The following CCDC178 variants were observed in gnomAD, a reference collection of about 807,000 sequenced individuals.
CCDC178 encodes coiled-coil domain containing 178, also known as coiled-coil domain-containing protein 178.
A neutral mutation model predicts 117.4 loss-of-function variants in CCDC178; 126 were observed. That is an observed-to-expected ratio of 1.07 (90% CI 0.93 to 1.24). The LOEUF (loss-of-function observed/expected upper bound fraction) is 1.24. Ranked by LOEUF, CCDC178 falls within the 50% of genes most tolerant of loss-of-function variation. The pLI is 0.00. For missense variants in CCDC178, 1,030 were observed against 986.9 expected (o/e 1.04, Z -0.59); for synonymous variants, 283 against 313.4 (o/e 0.90, Z 1.02).
At chr18:33,380,051 G>A (rs763433764) in intron 5 of CCDC178, among the ~76,000 whole-genome samples, 3 of 152,156 alleles carry the variant, frequency 2.0e-5, no homozygotes, top group Non-Finnish European at 4.4e-5. Context: ...TACTCTGAAT[G>A]ACTGGATTTC....
chr18:33,133,704 C>A (rs1030642384), intron 20 of CCDC178, among the ~76,000 whole-genome samples: 1 of 151,900 alleles, frequency 6.6e-6, no homozygotes, highest in African/African-American at 2.4e-5. Flanking sequence ...AGCCACATTT[C>A]ACAGGATCAT....
chr18:33,024,904 G>A (rs2056196564), intron 21 of CCDC178, among the ~76,000 whole-genome samples: 2 of 151,528 alleles, frequency 1.3e-5, no homozygotes. Flanking sequence ...GCCTGCCTTG[G>A]CCTCCCCCAA....
intron 21 of CCDC178, among the ~76,000 whole-genome samples, chr18:33,013,408 T>C (rs1023915465): frequency 1.3e-5 from 2 of 152,136 alleles, no homozygotes; most frequent in Non-Finnish European, 2.9e-5. Context: ...GTGAAGAAAA[T>C]AAAAGTAAAA....
intron 22 of CCDC178, among the ~76,000 whole-genome samples, chr18:32,945,061 AT>A (rs2054315521): frequency 6.6e-6 from 1 of 152,130 alleles, no homozygotes; most frequent in Non-Finnish European, 1.5e-5. Context: ...CTAGTCATTC[AT>A]TTTACTCATT....
chr18:33,282,348 T>C (rs2060035467), intron 12 of CCDC178, among the ~76,000 whole-genome samples: 1 of 151,962 alleles, frequency 6.6e-6, no homozygotes, highest in Admixed American at 6.6e-5. Context: ...CAGCTAGGGG[T>C]TGGCCACCAT....
At chr18:33,103,538 G>A (rs891523868) in intron 20 of CCDC178, among the ~76,000 whole-genome samples, 13 of 150,514 alleles carry the variant, frequency 8.6e-5, no homozygotes, top group Admixed American at 8.6e-4. Flanking sequence ...ATAGTAAGGT[G>A]ACACAGCCAA....
At chr18:33,259,006 G>A (rs2059711435) in intron 14 of CCDC178, among the ~76,000 whole-genome samples, 2 of 151,988 alleles carry the variant, frequency 1.3e-5, no homozygotes, top group Non-Finnish European at 2.9e-5. Flanking sequence ...TCAGAAACTA[G>A]GTTAGTCCTT....
At chr18:33,109,559 A>G (rs2057753384) in intron 20 of CCDC178, among the ~76,000 whole-genome samples, 1 of 151,760 alleles carries the variant, frequency 6.6e-6, no homozygotes, top group East Asian at 1.9e-4. Context: ...TTTTTTATAA[A>G]TGAATACACC....
At chr18:33,138,392 C>G (rs748211117) in intron 20 of CCDC178, among the ~76,000 whole-genome samples, 4 of 152,246 alleles carry the variant, frequency 2.6e-5, no homozygotes, top group African/African-American at 9.6e-5. Context: ...TCAGCCTGCA[C>G]CTAGGGAGAA....
At chr18:33,179,617 C>A (rs963387221) in intron 20 of CCDC178, among the ~76,000 whole-genome samples, 3 of 151,896 alleles carry the variant, frequency 2.0e-5, no homozygotes, top group Non-Finnish European at 4.4e-5. Flanking sequence ...AAAGAAATAG[C>A]AAAATAGTGT....
In CCDC178 at chr18:33,356,331, CA is replaced by C; in HGVS notation, c.363del (p.Phe121LeufsTer13). On this transcript the variant is annotated frameshift_variant, in exon 7 of 23. Coordinates refer to ENST00000383096, the MANE Select transcript of CCDC178 (RefSeq NM_001105528.4). LOFTEE classifies it high-confidence loss of function. ...QEHLKRFETS[F>X]EEWSRTSSTK... Reference sequence around the variant, plus strand: ...AGCATGAAATTTTCTTACCATTCTTCAAAAGAAGTTTCAAACTGTCAAAACA... The same window carrying C: ...AGCATGAAATTTTCTTACCATTCTTCAAAGAAGTTTCAAACTGTCAAAACA... The C allele has an allele frequency of 6.8e-7, 1 of 1,481,252 alleles. No individual in the cohort carries two copies. Among genetic ancestry groups the C allele is most frequent in the Non-Finnish European group, 9.1e-7 (1 of 1,096,544 alleles). The allele number at this position is 1,481,252 out of a possible 1,614,324, so 91.8% of individuals were successfully genotyped here.
rs534815567 is a variant in CCDC178 at position 33,267,274 on chromosome 18, A to G, written c.1200T>C (p.Tyr400=). ...TTTTTTGCTTCCAGGTTAGTTGGTCATAAACTCTTCTCAAATCTTCCAGCT... is the reference window on the plus strand; with the variant it reads ...TTTTTTGCTTCCAGGTTAGTTGGTCGTAAACTCTTCTCAAATCTTCCAGCT... ...SKMLEDLRRV[Y]DQLTWKQKSH... is the part of the protein sequence containing the mutation. Residue 400 remains tyrosine (Y), a synonymous_variant, in exon 13 of 23, where the codon TAT becomes TAC. Transcript: ENST00000383096. 33 of 1,600,176 alleles carry G rather than the reference A, an allele frequency of 2.1e-5. No individual in the cohort carries two copies. The South Asian group carries it at 3.6e-4, about 18-fold the overall frequency.
chr18:33,305,553 T>C (rs1311799062), intron 11 of CCDC178, among the ~76,000 whole-genome samples: 2 of 150,972 alleles, frequency 1.3e-5, no homozygotes, highest in Admixed American at 1.3e-4. Flanking sequence ...ACCTAAGGGC[T>C]GACACTCTAG....
chr18:33,252,677 C>T (rs974652431), intron 14 of CCDC178, among the ~76,000 whole-genome samples: 6 of 151,628 alleles, frequency 4.0e-5, no homozygotes, highest in African/African-American at 1.5e-4. Context: ...CAGTAATATT[C>T]GAATTGCTAT....
At chr18:33,352,061 T>C (rs1177292791) in intron 7 of CCDC178, among the ~76,000 whole-genome samples, 1 of 152,182 alleles carries the variant, frequency 6.6e-6, no homozygotes, top group Non-Finnish European at 1.5e-5. Flanking sequence ...GAGATTTTTT[T>C]TGTTGGGGAA....
chr18:33,192,702 A>C (rs1266259355), intron 20 of CCDC178, among the ~76,000 whole-genome samples: 1 of 151,368 alleles, frequency 6.6e-6, no homozygotes, highest in Non-Finnish European at 1.5e-5. Flanking sequence ...GGAGTTTGAG[A>C]TCAGCCTGGC....
Position 33,293,277 on chromosome 18 carries a change from T to C in CCDC178, c.1058A>G (p.His353Arg), listed in dbSNP as rs370536963. ...AACATTTATCACTGATGAAGAGTAA[T>C]GATCAAATAGACTGTTAAGTTGATA... ...EIYQLNSLFD[H>R]YSSSVINVNT... The change falls in exon 12 of 23, where the codon CAT becomes CGT. Residue 353 changes from histidine (H) to arginine (R), a missense_variant. Transcript: ENST00000383096. 1.7e-5 allele frequency: 26 copies of C among 1,544,510 alleles called. No homozygotes were observed. Among genetic ancestry groups the C allele is most frequent in the Non-Finnish European group, 2.2e-5 (25 of 1,121,506 alleles).
chr18:33,180,553 T>C (rs2144477004), intron 20 of CCDC178, among the ~76,000 whole-genome samples: 1 of 152,120 alleles, frequency 6.6e-6, no homozygotes, highest in South Asian at 2.1e-4. Flanking sequence ...TGTCTATGTG[T>C]TGCTACAATT....
chr18:33,015,628 T>A, intron 21 of CCDC178, among the ~76,000 whole-genome samples: 1 of 148,160 alleles, frequency 6.7e-6, no homozygotes, highest in Non-Finnish European at 1.5e-5. Flanking sequence ...TTGGGGAAAA[T>A]ATGGTAAATA....
Sources: gnomAD v4.1 joint callset for allele counts (sites outside exome capture counted in the v4.1 genomes callset) on GRCh38, gnomAD v4.1.1 for gene constraint, MANE v1.5 for transcripts, NCBI Gene and HGNC (gene_info 2026-07-23, HGNC 2026-07-21) for gene names.